The following TPST1 variants were observed in gnomAD, a reference collection of about 807,000 sequenced individuals.
TPST1 encodes protein-tyrosine sulfotransferase 1.
Under a neutral mutation model 34.8 loss-of-function variants are expected in TPST1, and 20 were observed. The ratio of observed to expected loss-of-function variants is 0.57; its 90% CI spans 0.40 to 0.84. TPST1 has a LOEUF of 0.84. Ranked by LOEUF, TPST1 falls within the 40% of genes least tolerant of loss-of-function variation. The pLI, the probability that TPST1 is intolerant of heterozygous loss-of-function variation, is 0.00. For missense variants in TPST1, 353 were observed against 455.5 expected, an observed-to-expected ratio of 0.78 and a Z score of 2.05; for synonymous variants, 152 against 159.4, an observed-to-expected ratio of 0.95 and a Z score of 0.35.
At chr7:66,343,318 T>C (rs756772538) in intron 3 of TPST1, among the ~76,000 whole-genome samples, 3 of 152,094 alleles carry the variant, frequency 2.0e-5, no homozygotes, top group Non-Finnish European at 4.4e-5. Flanking sequence ...AACCAAAAAC[T>C]ACATGTTCCG....
intron 3 of TPST1, among the ~76,000 whole-genome samples, chr7:66,330,126 G>A (rs1362392438): frequency 6.6e-6 from 1 of 152,150 alleles, no homozygotes; most frequent in South Asian, 2.1e-4. Context: ...AATCAACCCA[G>A]ATGGCCATTT....
intron 3 of TPST1, among the ~76,000 whole-genome samples, chr7:66,326,137 T>C (rs998589483): frequency 1.3e-5 from 2 of 152,154 alleles, no homozygotes; most frequent in African/African-American, 4.8e-5. Flanking sequence ...CTATCAACTG[T>C]AAAAATGGAG....
At chr7:66,248,456 T>G (rs781464812) in intron 2 of TPST1, among the ~76,000 whole-genome samples, 1 of 151,924 alleles carries the variant, frequency 6.6e-6, no homozygotes, top group Admixed American at 6.6e-5. Context: ...TTTACAAAAC[T>G]GATACACTTT....
chr7:66,338,418 C>T (rs991771545), intron 3 of TPST1, among the ~76,000 whole-genome samples: 3 of 152,154 alleles, frequency 2.0e-5, no homozygotes, highest in Non-Finnish European at 4.4e-5. Context: ...GTGAACAGAT[C>T]ATCCAGACAG....
intron 3 of TPST1, among the ~76,000 whole-genome samples, chr7:66,305,803 C>T (rs960412537): frequency 2.6e-5 from 4 of 152,092 alleles, no homozygotes; most frequent in Non-Finnish European, 5.9e-5. Context: ...AGGGCTATTT[C>T]GATTTTCTTG....
intron 1 of TPST1, among the ~76,000 whole-genome samples, chr7:66,225,068 C>T (rs974664736): frequency 6.6e-6 from 1 of 151,542 alleles, no homozygotes; most frequent in Admixed American, 6.6e-5. Flanking sequence ...CAGGCACGCG[C>T]CACCACGCCT....
chr7:66,308,049 A>C (rs994005826), intron 3 of TPST1, among the ~76,000 whole-genome samples: 1 of 152,196 alleles, frequency 6.6e-6, no homozygotes, highest in African/African-American at 2.4e-5. Flanking sequence ...TGCTGACCAC[A>C]AATCAGTGTG....
At chr7:66,261,759 G>A (rs1266970947) in intron 2 of TPST1, among the ~76,000 whole-genome samples, 1 of 152,104 alleles carries the variant, frequency 6.6e-6, no homozygotes, top group East Asian at 1.9e-4. Context: ...CCTAACCTTT[G>A]TATGCCTCAT....
intron 1 of TPST1, among the ~76,000 whole-genome samples, chr7:66,210,720 T>G (rs2116215570): frequency 6.6e-6 from 1 of 152,308 alleles, no homozygotes; most frequent in East Asian, 1.9e-4. Flanking sequence ...TCCCAGAGTT[T>G]GGGCAGATTG....
At chr7:66,357,851 C>T (rs1475561923) in intron 5 of TPST1, among the ~76,000 whole-genome samples, 4 of 151,996 alleles carry the variant, frequency 2.6e-5, no homozygotes, top group Admixed American at 6.6e-5. Flanking sequence ...TTTGGGAGGC[C>T]AAGGTGGGCA....
intron 1 of TPST1, among the ~76,000 whole-genome samples, chr7:66,208,155 C>T (rs1789170463): frequency 6.6e-6 from 1 of 152,188 alleles, no homozygotes; most frequent in Non-Finnish European, 1.5e-5. Context: ...AGCTCCCAAA[C>T]CCTTAGCATG....
intron 2 of TPST1, among the ~76,000 whole-genome samples, chr7:66,270,682 G>A (rs548135169): frequency 6.6e-6 from 1 of 152,286 alleles, no homozygotes; most frequent in Admixed American, 6.5e-5. Flanking sequence ...TTTGCTGATT[G>A]GAAAATTGTG....
upstream of TPST1, among the ~76,000 whole-genome samples, chr7:66,203,155 G>C (rs1789049432): frequency 6.6e-6 from 1 of 151,906 alleles, no homozygotes; most frequent in Non-Finnish European, 1.5e-5. Context: ...CTCTGTGTGT[G>C]TGTGTGTATA....
intron 3 of TPST1, among the ~76,000 whole-genome samples, chr7:66,303,077 C>T (rs1463254322): frequency 6.6e-6 from 1 of 152,150 alleles, no homozygotes; most frequent in East Asian, 1.9e-4. Context: ...TCTTCTGTGC[C>T]ACAGATCCTC....
intron 2 of TPST1, among the ~76,000 whole-genome samples, chr7:66,245,362 C>T (rs750361698): frequency 1.6e-4 from 24 of 152,118 alleles, no homozygotes; most frequent in South Asian, 4.1e-4. Flanking sequence ...AAAATTACTA[C>T]GAGGAAACAT....
chr7:66,333,811 A>G (rs1792041267), intron 3 of TPST1, among the ~76,000 whole-genome samples: 2 of 152,190 alleles, frequency 1.3e-5, no homozygotes, highest in Admixed American at 1.3e-4. Context: ...CACCCTAATA[A>G]CATATTTCCT....
chr7:66,304,766 C>G (rs1237927353), intron 3 of TPST1, among the ~76,000 whole-genome samples: 2 of 152,016 alleles, frequency 1.3e-5, no homozygotes, highest in Non-Finnish European at 2.9e-5. Context: ...TGAGTCACAT[C>G]CCCTCTTTGA....
At chr7:66,327,979 T>G (rs1791902273) in intron 3 of TPST1, among the ~76,000 whole-genome samples, 1 of 149,278 alleles carries the variant, frequency 6.7e-6, no homozygotes, top group Non-Finnish European at 1.5e-5. Flanking sequence ...GTGTTTTTGG[T>G]GTTTTTTTTT....
rs775589901 is a variant in TPST1 at position 66,337,877 on chromosome 7, G to A, written c.1045-14628G>A. On this transcript the variant is annotated intron_variant, in intron 3 of 5. Transcript: ENST00000304842. ...AATAAATAGCACAAAATCAAAGCAC[G>A]CTGCTAGAGAAAATCACTTACCATA... Among the ~76,000 whole-genome samples, 13 of 152,078 alleles carry A rather than the reference G, an allele frequency of 8.5e-5. No individual in the cohort carries two copies. In the East Asian group the frequency reaches 9.7e-4, roughly 11 times the overall value.
Sources: allele counts gnomAD v4.1 joint callset (sites outside exome capture counted in the v4.1 genomes callset), GRCh38; gene constraint gnomAD v4.1.1; transcripts MANE v1.5; gene names NCBI Gene and HGNC (gene_info 2026-07-23, HGNC 2026-07-21).